Variants in ZFHX3 observed in about 807,000 individuals in gnomAD.
ZFHX3 encodes the protein zinc finger homeobox protein 3.
Under a neutral mutation model 279.1 loss-of-function variants are expected in ZFHX3, and 42 were observed. The ratio of observed to expected loss-of-function variants is 0.15; its 90% CI spans 0.12 to 0.19. The LOEUF (loss-of-function observed/expected upper bound fraction) is 0.19. Among genes scored for constraint, ZFHX3 ranks in the 10% least tolerant of loss-of-function variants. ZFHX3 has a pLI of 1.00. For missense variants in ZFHX3, 4,981 were observed against 4,754.0 expected, an observed-to-expected ratio of 1.05 and a Z score of -1.40; for synonymous variants, 2,293 against 1,957.8, an observed-to-expected ratio of 1.17 and a Z score of -4.52.
At chr16:73,702,091 C>A (rs1408987017) in intron 1 of ZFHX3, among the ~76,000 whole-genome samples, 1 of 152,054 alleles carries the variant, frequency 6.6e-6, no homozygotes, top group Non-Finnish European at 1.5e-5. Flanking sequence ...GTGGAGAGTG[C>A]AGTGTTGCCG....
chr16:73,343,351 G>C (rs1159461802), intron 3 of ZFHX3, among the ~76,000 whole-genome samples: 3 of 152,140 alleles, frequency 2.0e-5, no homozygotes, highest in African/African-American at 7.2e-5. Context: ...GGACTCTTTG[G>C]AGAGATGGCT....
At chr16:73,210,778 G>A (rs2011983911) in intron 5 of ZFHX3, among the ~76,000 whole-genome samples, 1 of 152,098 alleles carries the variant, frequency 6.6e-6, no homozygotes, top group Admixed American at 6.6e-5. Context: ...CAAGAGAGAT[G>A]GCAGACAAGA....
exon 1 of ZFHX3, chr16:73,059,558 C>CTT (rs1965654695): frequency 6.9e-6 from 1 of 145,338 alleles, no homozygotes; most frequent in South Asian, 2.2e-4. Flanking sequence ...CTCTCTCTCT[C>CTT]TCTCTAAGCA....
At chr16:73,075,567 A>G (rs1177936533) in intron 8 of ZFHX3, among the ~76,000 whole-genome samples, 1 of 152,158 alleles carries the variant, frequency 6.6e-6, no homozygotes, top group African/African-American at 2.4e-5. Context: ...AGTGATATAC[A>G]ATATAAATAA....
At chr16:72,833,875 T>C (rs1226831729) in intron 4 of ZFHX3, among the ~76,000 whole-genome samples, 3 of 152,114 alleles carry the variant, frequency 2.0e-5, no homozygotes, top group African/African-American at 7.2e-5. Context: ...TAAAAGCAAA[T>C]ACTGGAAAAC....
rs188726712 is a variant in ZFHX3, at chr16:73,820,612, A to T, written c.-1608+71039T>A. On this transcript the variant is annotated intron_variant, in intron 1 of 17. Transcript: ENST00000641206. ...ACACATGAGTCCAGCTCCAGCCAAC[A>T]TCTGAATGTAACCCCCTGTGAGACT... 1.4e-3 allele frequency among the ~76,000 whole-genome samples: 211 copies of T among 152,140 alleles called. 1 individual carries two copies. The highest frequency in any genetic ancestry group is 4.6e-3 in the African/African-American group (190 of 41,510).
chr16:73,296,877 A>ATG (rs755308796), intron 4 of ZFHX3, among the ~76,000 whole-genome samples: 2 of 116,066 alleles, frequency 1.7e-5, no homozygotes, highest in African/African-American at 7.0e-5. Context: ...TGAAGCAGGA[A>ATG]TTTTTTTTTT....
In ZFHX3 at chr16:73,040,349, G is replaced by C. The variant is rs531320103; in HGVS notation, c.-50+7403C>G. The stretch of plus-strand genomic sequence containing the variant: ...GCCAGGCTGGGAGGCCGAGCAGGAG[G>C]GGGTAGAGGGGAGGCACATGATAAT... On this transcript the variant is annotated intron_variant, in intron 1 of 9. Coordinates refer to ENST00000268489, the MANE Select transcript of ZFHX3 (RefSeq NM_006885.4). Among the ~76,000 whole-genome samples, 16 of 152,300 alleles carry C rather than the reference G, an allele frequency of 1.1e-4. No homozygotes were observed. In the East Asian group the frequency reaches 2.5e-3, roughly 24 times the overall value.
chr16:72,940,149 T>C (rs1158208721), intron 3 of ZFHX3, among the ~76,000 whole-genome samples: 2 of 151,964 alleles, frequency 1.3e-5, no homozygotes, highest in African/African-American at 2.4e-5. Context: ...CGGGCTCAAG[T>C]GGTTCTCCTG....
At chr16:73,530,971 C>T (rs2019790101) in intron 2 of ZFHX3, among the ~76,000 whole-genome samples, 1 of 152,256 alleles carries the variant, frequency 6.6e-6, no homozygotes. Flanking sequence ...ATGCTGAAAA[C>T]CTAAAAGTTG....
chr16:73,626,617 T>C (rs1322310632), intron 2 of ZFHX3, among the ~76,000 whole-genome samples: 3 of 152,156 alleles, frequency 2.0e-5, no homozygotes, highest in African/African-American at 7.2e-5. Context: ...CAAGGAGTGG[T>C]CTATTGACCT....
chr16:73,402,718 C>A (rs1049471320), intron 3 of ZFHX3, among the ~76,000 whole-genome samples: 1 of 152,026 alleles, frequency 6.6e-6, no homozygotes. Context: ...TTTTTTAAAG[C>A]AGGGACAGGT....
chr16:73,512,804 T>C (rs187590418), intron 2 of ZFHX3, among the ~76,000 whole-genome samples: 1 of 152,192 alleles, frequency 6.6e-6, no homozygotes, highest in Admixed American at 6.5e-5. Flanking sequence ...AATGTTAGAA[T>C]AAATTTATTA....
intron 2 of ZFHX3, among the ~76,000 whole-genome samples, chr16:73,469,604 C>A (rs892034637): frequency 2.6e-5 from 4 of 151,524 alleles, no homozygotes; most frequent in Admixed American, 1.3e-4. Context: ...GGTACCTAGT[C>A]CCAACCTCCA....
intron 3 of ZFHX3, among the ~76,000 whole-genome samples, chr16:72,901,166 T>C (rs2039024247): frequency 6.6e-6 from 1 of 152,222 alleles, no homozygotes; most frequent in African/African-American, 2.4e-5. Context: ...AGCGTGGCTC[T>C]TGATGGGAAA....
chr16:73,007,228 A>T (rs1963739372), intron 1 of ZFHX3, among the ~76,000 whole-genome samples: 1 of 152,044 alleles, frequency 6.6e-6, no homozygotes, highest in Admixed American at 6.6e-5. Context: ...TTGCATCTCC[A>T]CTCATGTCGG....
At chr16:73,208,770 T>A (rs917377233) in intron 5 of ZFHX3, among the ~76,000 whole-genome samples, 1 of 152,184 alleles carries the variant, frequency 6.6e-6, no homozygotes, top group African/African-American at 2.4e-5. Flanking sequence ...ACTTTTATAA[T>A]AGGAAATAAT....
At chr16:73,393,461 C>T (rs1402502889) in intron 3 of ZFHX3, among the ~76,000 whole-genome samples, 2 of 152,204 alleles carry the variant, frequency 1.3e-5, no homozygotes, top group Non-Finnish European at 2.9e-5. Flanking sequence ...GACAGTCGTT[C>T]ATATGCTAGT....
intron 1 of ZFHX3, among the ~76,000 whole-genome samples, chr16:73,724,042 C>T (rs549008639): frequency 7.2e-5 from 11 of 152,274 alleles, no homozygotes; most frequent in South Asian, 4.1e-4. Flanking sequence ...AAAAGCACAA[C>T]GATTCCTCTT....
Sources: gnomAD v4.1 joint callset for allele counts (sites outside exome capture counted in the v4.1 genomes callset) on GRCh38, gnomAD v4.1.1 for gene constraint, MANE v1.5 for transcripts, NCBI Gene and HGNC (gene_info 2026-07-23, HGNC 2026-07-21) for gene names.